The following ESYT2 variants were observed in gnomAD, a reference collection of about 807,000 sequenced individuals.
The protein encoded by ESYT2 is extended synaptotagmin-2.
A neutral mutation model predicts 107.2 loss-of-function variants in ESYT2; 54 were observed. That is an observed-to-expected ratio of 0.50 (90% CI 0.40 to 0.63). ESYT2 has a LOEUF of 0.63. Among genes scored for constraint, ESYT2 ranks in the 30% least tolerant of loss-of-function variants. The probability of loss-of-function intolerance (pLI) is 0.00; values close to 1 mark genes in which losing one functional copy is unlikely to be tolerated. For synonymous variants in ESYT2, 491 were observed against 434.1 expected, an observed-to-expected ratio of 1.13 and a Z score of -1.63; for missense variants, 1,020 against 1,094.5, an observed-to-expected ratio of 0.93 and a Z score of 0.96.
chr7:158,772,720 T>C (rs1373408280), intron 7 of ESYT2, among the ~76,000 whole-genome samples: 5 of 152,008 alleles, frequency 3.3e-5, no homozygotes, highest in African/African-American at 9.7e-5. Flanking sequence ...CAGATGCTTG[T>C]TATGGAACAT....
intron 5 of ESYT2, 30 bp downstream of exon 5, chr7:158,788,315 C>G: frequency 1.3e-6 from 2 of 1,573,434 alleles, no homozygotes; most frequent in Non-Finnish European, 1.7e-6. Context: ...AGAAAACTGT[C>G]AAATTAAAAC....
chr7:158,781,327 G>A (rs548214712), intron 6 of ESYT2, among the ~76,000 whole-genome samples: 12 of 151,418 alleles, frequency 7.9e-5, no homozygotes, highest in African/African-American at 2.7e-4. Context: ...GAGTGAACGA[G>A]TGTTGAGAAC....
chr7:158,799,674 C>T (rs1449599815), intron 1 of ESYT2, among the ~76,000 whole-genome samples: 2 of 152,166 alleles, frequency 1.3e-5, no homozygotes, highest in Non-Finnish European at 2.9e-5. Flanking sequence ...ATTCACTCTT[C>T]CCTTTTGCTT....
intron 1 of ESYT2, among the ~76,000 whole-genome samples, chr7:158,805,965 G>A (rs766153759): frequency 2.0e-5 from 3 of 152,218 alleles, no homozygotes; most frequent in Non-Finnish European, 2.9e-5. Context: ...CTCTTGCCAC[G>A]AAAGGAATGA....
At chr7:158,805,100 G>C (rs2279881) in intron 1 of ESYT2, among the ~76,000 whole-genome samples, 16,735 of 152,154 alleles carry the variant, frequency 0.11, 967 homozygotes, top group African/African-American at 0.14. Flanking sequence ...ACATCAGTGG[G>C]GATCTCTGCT....
In ESYT2 at chr7:158,734,001, G is replaced by A. The variant is rs762032849; in HGVS notation, c.*206C>T. ...CCTACTGCACGTTGTAGGAACTGGC[G>A]AAATCCTAGAGGAAATCCAACACAG... is the stretch of plus-strand genomic sequence containing the variant. On this transcript the variant is annotated 3_prime_UTR_variant, in exon 23 of 23. Coordinates refer to ENST00000275418, the MANE Select transcript of ESYT2 (RefSeq NM_001367773.1). 6 of 597,064 alleles carry A rather than the reference G, an allele frequency of 1.0e-5. No individual in the cohort carries two copies. The highest frequency in any genetic ancestry group is 7.5e-5 in the African/African-American group (4 of 53,350). 37.0% of individuals were successfully genotyped at this position (597,064 alleles called of 1,614,324 possible).
In ESYT2 at chr7:158,749,035, C is replaced by G. The variant is rs530249756; in HGVS notation, c.1557+614G>C. 2.6e-5 allele frequency among the ~76,000 whole-genome samples: 4 copies of G among 152,234 alleles called. No homozygotes were observed. In the East Asian group the frequency reaches 5.8e-4, roughly 22 times the overall value. On this transcript the variant is annotated intron_variant, in intron 15 of 22. Coordinates refer to ENST00000275418, the MANE Select transcript of ESYT2 (RefSeq NM_001367773.1). ...CTATTTATAGAGTGCTCAAGACAAACTTAGGAATTGTTCCCATGTGTCTAC... is the reference window on the plus strand; with the variant it reads ...CTATTTATAGAGTGCTCAAGACAAAGTTAGGAATTGTTCCCATGTGTCTAC...
chr7:158,825,710 G>A (rs1840419899), intron 1 of ESYT2, among the ~76,000 whole-genome samples: 1 of 152,216 alleles, frequency 6.6e-6, no homozygotes, highest in African/African-American at 2.4e-5. Context: ...GAGGAAATTA[G>A]TATCTCCTTA....
In ESYT2 at chr7:158,749,583, G is replaced by C. The variant is rs1006560984; in HGVS notation, c.1557+66C>G. 3.3e-6 allele frequency: 5 copies of C among 1,505,864 alleles called. No individual in the cohort carries two copies. In the African/African-American group the frequency reaches 6.9e-5, roughly 21 times the overall value. 93.3% of individuals were successfully genotyped at this position (1,505,864 alleles called of 1,614,324 possible). A position where few individuals can be genotyped will look rare whatever the true frequency, so the allele number is the denominator to read the frequency against. The stretch of plus-strand genomic sequence containing the variant: ...TATTTGCAACCCGGCATCCCCAGGT[G>C]AGACGGCAACACGGACAGCGCCCGC... On this transcript the variant is annotated intron_variant, in intron 15 of 22. Transcript: ENST00000275418.
At chr7:158,771,318 A>C (rs904224523) in intron 7 of ESYT2, among the ~76,000 whole-genome samples, 3 of 152,184 alleles carry the variant, frequency 2.0e-5, no homozygotes, top group Non-Finnish European at 4.4e-5. Flanking sequence ...TTCTACACTG[A>C]TGTGTGTGGA....
rs201253187 is a variant in ESYT2 at position 158,826,029 on chromosome 7, A to AAAC, written c.330+3059_330+3060insGTT. On this transcript the variant is annotated intron_variant, in intron 1 of 22. Transcript: ENST00000275418. ...GTAAGAACTCATCTCTAGAAAAAAAAAAAAACAAAAACAAACCCAAAGTGC... is the reference window on the plus strand; with the variant it reads ...GTAAGAACTCATCTCTAGAAAAAAAAAACAAAAACAAAAACAAACCCAAAGTGC... 7.2e-3 allele frequency among the ~76,000 whole-genome samples: 1,094 copies of AAAC among 151,604 alleles called. 28 individuals carry two copies. Among genetic ancestry groups the AAAC allele is most frequent in the African/African-American group, 0.026 (1,058 of 41,218 alleles).
chr7:158,739,913 G>A (rs1056875172), intron 18 of ESYT2, among the ~76,000 whole-genome samples: 22 of 141,504 alleles, frequency 1.6e-4, no homozygotes, highest in African/African-American at 4.7e-4. Context: ...AGAAGACCTG[G>A]GGCCATGCCA....
At chr7:158,772,516 A>C (rs538975278) in intron 7 of ESYT2, among the ~76,000 whole-genome samples, 11 of 152,348 alleles carry the variant, frequency 7.2e-5, no homozygotes, top group African/African-American at 2.6e-4. Context: ...TTTAACCCAC[A>C]GGTGATATGT....
Position 158,799,730 on chromosome 7 carries a change from G to C in ESYT2, c.331-658C>G, listed in dbSNP as rs537823621. 1.4e-4 allele frequency among the ~76,000 whole-genome samples: 21 copies of C among 152,184 alleles called. No homozygotes were observed. The South Asian group carries it at 4.2e-3, about 30-fold the overall frequency. On this transcript the variant is annotated intron_variant, in intron 1 of 22. Transcript: ENST00000275418. ...GCTAAGAGACACCTTTCCTTACATG[G>C]CTCCTCTCCATACCATCATCTCCCA...
rs200950596 is a variant in ESYT2, at chr7:158,735,583, C to T, written c.2425G>A (p.Glu809Lys). 2.2e-5 allele frequency: 36 copies of T among 1,613,816 alleles called. No individual in the cohort carries two copies. Among genetic ancestry groups the T allele is most frequent in the Non-Finnish European group, 3.1e-5 (36 of 1,179,862 alleles). ...ACGTCGAGCGTTCTCCTCTGCACTT[C>T]TGGTAACGAAACACTGAAATCAAAG... is the stretch of plus-strand genomic sequence containing the variant. The part of the protein sequence containing the change: ...QSFDFSVSLP[E>K]VQRRTLDVAV... Residue 809 changes from glutamate (E) to lysine (K), a missense_variant, in exon 21 of 23, where the codon GAA (glutamate) becomes AAA (lysine). Physicochemically the swap from Glu to Lys is moderately conservative, Grantham distance 56. Transcript: ENST00000275418.
chr7:158,793,505 T>C (rs1054338902), intron 4 of ESYT2, 145 bp downstream of exon 4: 4 of 667,166 alleles, frequency 6.0e-6, no homozygotes, highest in African/African-American at 5.5e-5. Context: ...AGGTAAATAA[T>C]ATTTGGATGT....
At chr7:158,771,787 G>A (rs938641110) in intron 7 of ESYT2, among the ~76,000 whole-genome samples, 7 of 152,160 alleles carry the variant, frequency 4.6e-5, no homozygotes, top group East Asian at 1.9e-4. Flanking sequence ...GGCAGTGGGC[G>A]CCCATTGTTG....
At chr7:158,771,795 T>A (rs1002115629) in intron 7 of ESYT2, among the ~76,000 whole-genome samples, 1 of 152,132 alleles carries the variant, frequency 6.6e-6, no homozygotes, top group African/African-American at 2.4e-5. Flanking sequence ...GCGCCCATTG[T>A]TGGAAGAGTG....
intron 1 of ESYT2, among the ~76,000 whole-genome samples, chr7:158,810,056 C>A (rs112203951): frequency 6.6e-6 from 1 of 152,148 alleles, no homozygotes; most frequent in Non-Finnish European, 1.5e-5. Context: ...GTGGGGAAAT[C>A]GAACTCTCAT....
Sources: allele counts gnomAD v4.1 joint callset (sites outside exome capture counted in the v4.1 genomes callset), GRCh38; gene constraint gnomAD v4.1.1; transcripts MANE v1.5; gene names NCBI Gene and HGNC (gene_info 2026-07-23, HGNC 2026-07-21).